CFAP47: variants seen among roughly 807,000 people sequenced by gnomAD.
CFAP47 encodes the protein cilia- and flagella-associated protein 47.
Under a neutral mutation model 148.1 loss-of-function variants are expected in CFAP47, and 29 were observed. The ratio of observed to expected loss-of-function variants is 0.20; its 90% CI spans 0.15 to 0.27. The LOEUF is 0.27. Ranked by LOEUF, CFAP47 falls within the 10% of genes least tolerant of loss-of-function variation. The pLI, the probability that CFAP47 is intolerant of heterozygous loss-of-function variation, is 1.00. For synonymous variants in CFAP47, 664 were observed against 577.3 expected (o/e 1.15, Z -2.15); for missense variants, 1,872 against 1,697.5 (o/e 1.10, Z -1.81).
intron 39 of CFAP47, among the ~76,000 whole-genome samples, chrX:36,168,910 CA>C (rs1315265240): frequency 8.9e-6 from 1 of 112,339 alleles, no homozygotes; most frequent in East Asian, 2.8e-4. Context: ...TCTTGTGCCA[CA>C]GTTCTGCTAG....
chrX:36,324,368 C>T (rs1252105920), intron 57 of CFAP47, among the ~76,000 whole-genome samples: 1 of 111,428 alleles, frequency 9.0e-6, no homozygotes, highest in East Asian at 2.8e-4. Context: ...GTGTTACATA[C>T]TGTAGCACTA....
intron 22 of CFAP47, among the ~76,000 whole-genome samples, chrX:36,023,248 CAGA>C (rs2146712172): frequency 8.9e-6 from 1 of 112,247 alleles, no homozygotes; most frequent in African/African-American, 3.2e-5. Flanking sequence ...GGACAAGATC[CAGA>C]AGAAGTCTCT....
At chrX:36,359,868 A>T (rs998486023) in intron 60 of CFAP47, among the ~76,000 whole-genome samples, 12 of 111,078 alleles carry the variant, frequency 1.1e-4, no homozygotes, top group African/African-American at 3.9e-4. Flanking sequence ...CTTGTGCCTC[A>T]GCCTCCGGAG....
chrX:36,113,518 C>G (rs1468649415), intron 33 of CFAP47, among the ~76,000 whole-genome samples: 1 of 111,324 alleles, frequency 9.0e-6, no homozygotes, highest in East Asian at 2.8e-4. Flanking sequence ...CTGCCTTTAA[C>G]AATTTTTCTT....
intron 46 of CFAP47, among the ~76,000 whole-genome samples, chrX:36,232,784 A>G (rs371689197): frequency 4.5e-5 from 5 of 111,629 alleles, no homozygotes; most frequent in Non-Finnish European, 7.5e-5. Context: ...ACACTGCTTT[A>G]AATGTGTCCC....
At chrX:36,119,374 A>G (rs1374410111) in intron 33 of CFAP47, among the ~76,000 whole-genome samples, 2 of 111,748 alleles carry the variant, frequency 1.8e-5, no homozygotes, top group African/African-American at 6.5e-5. Context: ...GTTGATTTGC[A>G]TATGTTGAAC....
At chrX:36,023,301 C>A (rs932367942) in intron 22 of CFAP47, among the ~76,000 whole-genome samples, 5 of 111,992 alleles carry the variant, frequency 4.5e-5, no homozygotes, top group African/African-American at 1.6e-4. Context: ...ATTACTTTCT[C>A]CCAAATGAAC....
intron 30 of CFAP47, among the ~76,000 whole-genome samples, chrX:36,093,244 A>G (rs762618205): frequency 9.0e-6 from 1 of 111,241 alleles, no homozygotes; most frequent in Non-Finnish European, 1.9e-5. Context: ...TCTTCAAAAT[A>G]TTGATTTCGT....
At chrX:36,365,066 G>A (rs781834872) in intron 61 of CFAP47, among the ~76,000 whole-genome samples, 92 of 107,142 alleles carry the variant, frequency 8.6e-4, no homozygotes, top group African/African-American at 2.8e-3. Context: ...CTAAATTGTG[G>A]AAATCTTCTT....
intron 4 of CFAP47, among the ~76,000 whole-genome samples, chrX:35,949,140 A>AGTGTGT (rs201452327): frequency 0.015 from 1,317 of 86,934 alleles, 16 homozygotes; most frequent in South Asian, 0.049. Flanking sequence ...GCATCTGTGG[A>AGTGTGT]GTGTGTGTGT....
chrX:36,146,769 A>ATTTCT (rs1256346287), intron 36 of CFAP47, among the ~76,000 whole-genome samples: 1 of 99,873 alleles, frequency 1.0e-5, no homozygotes, highest in East Asian at 3.1e-4. Flanking sequence ...TTGAGAAAGT[A>ATTTCT]TTTCTTTTCT....
intron 48 of CFAP47, among the ~76,000 whole-genome samples, chrX:36,249,950 C>T (rs1392523338): frequency 1.8e-5 from 2 of 111,173 alleles, no homozygotes; most frequent in East Asian, 5.7e-4. Flanking sequence ...AAGGAAAACC[C>T]TTTTAAACTG....
At position 36,299,148 on chromosome X, in the gene CFAP47, GA is replaced by G; in HGVS notation, c.7861del (p.Ser2621AlafsTer16). 9.7e-7 allele frequency: 1 copy of G among 1,029,565 alleles called. No individual in the cohort carries two copies. The highest frequency in any genetic ancestry group is 3.2e-5 in the South Asian group (1 of 31,174). 84.8% of individuals were successfully genotyped at this position (1,029,565 alleles called of 1,213,427 possible). ...TCCAGCAACTACAGGCTACAGCGATGAAAGGTATGGTTTGAGTGTGGCATTA... is the reference window on the plus strand; with the variant it reads ...TCCAGCAACTACAGGCTACAGCGATGAAGGTATGGTTTGAGTGTGGCATTA... ...YSPATTGYSD[E>X]SIIFQPEMAE... On this transcript the variant is annotated frameshift_variant, in exon 52 of 64. Coordinates refer to ENST00000378653, the MANE Select transcript of CFAP47 (RefSeq NM_001304548.2). LOFTEE classifies it high-confidence loss of function.
intron 51 of CFAP47, among the ~76,000 whole-genome samples, chrX:36,289,149 T>G (rs1302566459): frequency 9.2e-6 from 1 of 108,572 alleles, no homozygotes; most frequent in Non-Finnish European, 1.9e-5. Flanking sequence ...TACAGGCATG[T>G]GCCATCATGG....
At chrX:36,150,073 T>C (rs776540451) in intron 37 of CFAP47, among the ~76,000 whole-genome samples, 43 of 111,208 alleles carry the variant, frequency 3.9e-4, no homozygotes, top group Non-Finnish European at 6.2e-4. Context: ...CTCATAGTCA[T>C]TGTGTATGTG....
At chrX:36,247,749 C>T (rs782707770) in intron 48 of CFAP47, among the ~76,000 whole-genome samples, 6 of 110,766 alleles carry the variant, frequency 5.4e-5, no homozygotes, top group African/African-American at 2.0e-4. Context: ...TGGAAGATTA[C>T]AGGAACAAAG....
chrX:36,251,112 G>T (rs1940686046), intron 48 of CFAP47, among the ~76,000 whole-genome samples: 1 of 110,646 alleles, frequency 9.0e-6, no homozygotes, highest in Non-Finnish European at 1.9e-5. Flanking sequence ...AATTTCCTTT[G>T]TTCCATTTTT....
intron 62 of CFAP47, among the ~76,000 whole-genome samples, chrX:36,376,678 G>T (rs1942026238): frequency 9.0e-6 from 1 of 111,072 alleles, no homozygotes; most frequent in African/African-American, 3.3e-5. Context: ...CAACGTGCAG[G>T]TTTGTTACAT....
At chrX:36,294,127 A>G (rs1318698804) in intron 51 of CFAP47, among the ~76,000 whole-genome samples, 1 of 111,747 alleles carries the variant, frequency 8.9e-6, no homozygotes, top group Non-Finnish European at 1.9e-5. Flanking sequence ...AGGAACTTAT[A>G]TAGTCACCTG....
Sources: allele counts gnomAD v4.1 joint callset (sites outside exome capture counted in the v4.1 genomes callset), GRCh38; gene constraint gnomAD v4.1.1; transcripts MANE v1.5; gene names NCBI Gene and HGNC (gene_info 2026-07-23, HGNC 2026-07-21).